The following ATP11B variants were observed in gnomAD, a reference collection of about 807,000 sequenced individuals.
ATP11B encodes the protein phospholipid-transporting ATPase IF.
In ATP11B, 81 loss-of-function variants were observed where a neutral mutation model predicts 157.8. The ratio of observed to expected loss-of-function variants is 0.51; its 90% CI spans 0.43 to 0.62. The LOEUF (loss-of-function observed/expected upper bound fraction) is 0.62, where lower values mean the gene tolerates loss of function less well. Among genes scored for constraint, ATP11B ranks in the 20% least tolerant of loss-of-function variants. ATP11B has a pLI of 0.00. For synonymous variants in ATP11B, 451 were observed against 469.4 expected, an observed-to-expected ratio of 0.96 and a Z score of 0.51; for missense variants, 1,165 against 1,402.2, an observed-to-expected ratio of 0.83 and a Z score of 2.70.
chr3:182,874,077 CCGATGATA>C, intron 19 of ATP11B, 62 bp downstream of exon 19: 1 of 1,450,942 alleles, frequency 6.9e-7, no homozygotes, highest in South Asian at 1.2e-5. Flanking sequence ...TTCCCTGGGC[CCGATGATA>C]TAGCCCACTG....
At position 182,898,668 on chromosome 3, in the gene ATP11B, G is replaced by T; in HGVS notation, c.3214G>T (p.Ala1072Ser). 6.2e-7 allele frequency: 1 copy of T among 1,609,732 alleles called. No individual in the cohort carries two copies. The highest frequency in any genetic ancestry group is 8.5e-7 in the Non-Finnish European group (1 of 1,178,002). ...TATTCAGCTCCTGTCAAGTGGTTCT[G>T]CTTGGTTTGCCATAATCCTCATGGT... ...VFIQLLSSGS[A>S]WFAIILMVVT... Residue 1072 changes from alanine to serine, a missense_variant, in exon 28 of 30, where the codon GCT becomes TCT. This residue lies in a region of ATP11B where 303 missense variants were observed against 296.3 expected (regional missense o/e 1.02). Transcript: ENST00000323116.
chr3:182,885,734 C>T (rs1223255460), intron 22 of ATP11B, among the ~76,000 whole-genome samples: 3 of 151,984 alleles, frequency 2.0e-5, no homozygotes, highest in African/African-American at 2.4e-5. Flanking sequence ...AGGGTTTTTT[C>T]ATTCTGATGT....
intron 29 of ATP11B, chr3:182,916,044 A>G (rs1725120662): frequency 1.0e-5 from 10 of 985,174 alleles, no homozygotes; most frequent in Non-Finnish European, 1.2e-5. Context: ...ATTCTTTTCT[A>G]GGGGATAAAG....
chr3:182,874,089 C>G, intron 19 of ATP11B, 74 bp downstream of exon 19: 1 of 1,287,696 alleles, frequency 7.8e-7, no homozygotes, highest in Middle Eastern at 1.9e-4. Context: ...GATGATATAG[C>G]CCACTGTCAC....
intron 1 of ATP11B, among the ~76,000 whole-genome samples, chr3:182,806,443 T>G (rs1716335502): frequency 6.6e-6 from 1 of 152,214 alleles, no homozygotes; most frequent in African/African-American, 2.4e-5. Context: ...ATATTATTTC[T>G]CAGCCTTTAG....
At chr3:182,917,465 C>T in intron 29 of ATP11B, 1 of 985,346 alleles carries the variant, frequency 1.0e-6, no homozygotes, top group Non-Finnish European at 1.2e-6. Context: ...AGTAGAGGAT[C>T]GTTTGTCCTT....
chr3:182,887,480 TA>T, intron 23 of ATP11B, 105 bp from the exon 24 acceptor site: 1 of 897,244 alleles, frequency 1.1e-6, no homozygotes, highest in Non-Finnish European at 1.6e-6. Context: ...GATTTCAGTA[TA>T]AATTTTTAAA....
chr3:182,878,392 T>G (rs542140907), intron 19 of ATP11B, among the ~76,000 whole-genome samples: 1 of 152,336 alleles, frequency 6.6e-6, no homozygotes, highest in African/African-American at 2.4e-5. Flanking sequence ...TCTTGTGGTG[T>G]ATATAGCACA....
intron 11 of ATP11B, among the ~76,000 whole-genome samples, chr3:182,858,323 A>G (rs1435356794): frequency 6.6e-6 from 1 of 152,204 alleles, no homozygotes; most frequent in Non-Finnish European, 1.5e-5. Context: ...TACAAACTCA[A>G]TTTTCTCTTC....
At chr3:182,905,488 C>T (rs1417890990) in intron 28 of ATP11B, among the ~76,000 whole-genome samples, 1 of 152,110 alleles carries the variant, frequency 6.6e-6, no homozygotes, top group African/African-American at 2.4e-5. Flanking sequence ...AACCCTAAAT[C>T]TTGGTGGCAA....
rs1719096644 is a variant in ATP11B at position 182,842,108 on chromosome 3, G to A, written c.690G>A (p.Met230Ile). 3 of 1,604,208 alleles carry A rather than the reference G, an allele frequency of 1.9e-6. No homozygotes were observed. The African/African-American group carries it at 4.0e-5, about 22-fold the overall frequency. The change falls in exon 8 of 30, where the codon ATG (methionine) becomes ATA (isoleucine). Residue 230 changes from methionine (M) to isoleucine (I), a missense_variant. Physicochemically the swap from Met to Ile is conservative, Grantham distance 10. This residue lies in a region of ATP11B where 737 missense variants were observed against 930.5 expected (regional missense o/e 0.79). Coordinates refer to ENST00000323116, the MANE Select transcript of ATP11B (RefSeq NM_014616.3). ...GACGAATGATCATAACCCAACAAATGGAAGAAATTGTAAGGTAAGAATTAA... is the reference window on the plus strand; with the variant it reads ...GACGAATGATCATAACCCAACAAATAGAAGAAATTGTAAGGTAAGAATTAA... ...FMGRMIITQQ[M>I]EEIVRPLGPE... is the part of the protein sequence containing the mutation.
chr3:182,876,175 C>G (rs1024525926), intron 19 of ATP11B, among the ~76,000 whole-genome samples: 2 of 151,912 alleles, frequency 1.3e-5, no homozygotes, highest in Admixed American at 6.6e-5. Flanking sequence ...CCCAGAAGTT[C>G]AAGGCTACAG....
chr3:182,865,648 C>T lies in ATP11B; in HGVS notation c.1393C>T (p.Leu465Phe), dbSNP rs1290732031. ...ATCCCATCTTAACAACTTATCCCAT[C>T]TTACAACCAGTTCCTCTTTCAGAAC... Reference protein sequence around the residue: ...SLSHLNNLSHLTTSSSFRTSP... With the variant: ...SLSHLNNLSHFTTSSSFRTSP... The change falls in exon 13 of 30, where the codon CTT (leucine) becomes TTT (phenylalanine). Residue 465 changes from leucine to phenylalanine, a missense_variant. Transcript: ENST00000323116. 4.3e-6 allele frequency: 7 copies of T among 1,613,452 alleles called. No homozygotes were observed. In the East Asian group the frequency reaches 8.9e-5, roughly 21 times the overall value.
intron 6 of ATP11B, chr3:182,836,698 G>A (rs1219705155): frequency 2.0e-6 from 1 of 493,860 alleles, no homozygotes; most frequent in East Asian, 3.2e-5. Flanking sequence ...GGTGTTTTTA[G>A]GAAAAATATA....
At chr3:182,902,612 A>C in intron 28 of ATP11B, 2 of 1,179,086 alleles carry the variant, frequency 1.7e-6, no homozygotes, top group Non-Finnish European at 2.2e-6. Context: ...TGCATGCTAA[A>C]GGTCAATTAA....
intron 1 of ATP11B, among the ~76,000 whole-genome samples, chr3:182,813,853 G>A (rs1046341294): frequency 2.4e-4 from 37 of 151,576 alleles, no homozygotes; most frequent in Middle Eastern, 3.2e-3. Flanking sequence ...TCAGCCTCCC[G>A]AGTAGCTGGA....
chr3:182,895,112 C>CAAAAAAAAAAAAAA (rs368282275), intron 25 of ATP11B, among the ~76,000 whole-genome samples: 1 of 68,270 alleles, frequency 1.5e-5, no homozygotes. Context: ...GACCCTGACT[C>CAAAAAAAAAAAAAA]AAAAAAAAAA....
chr3:182,867,176 G>A (rs561063893), intron 14 of ATP11B, among the ~76,000 whole-genome samples, 200 bp from the exon 15 acceptor site: 10 of 149,794 alleles, frequency 6.7e-5, no homozygotes, highest in East Asian at 5.8e-4. Context: ...TGATCAACCC[G>A]CTTTGGCCTC....
chr3:182,887,882 T>C (rs907079663), intron 24 of ATP11B, among the ~76,000 whole-genome samples, 169 bp downstream of exon 24: 5 of 152,218 alleles, frequency 3.3e-5, no homozygotes, highest in Non-Finnish European at 7.3e-5. Context: ...AAAGAGAAAA[T>C]TGGAATAATT....
Sources: allele counts gnomAD v4.1 joint callset (sites outside exome capture counted in the v4.1 genomes callset), GRCh38; gene constraint gnomAD v4.1.1; regional missense constraint gnomAD v4.1.1; transcripts MANE v1.5; gene names NCBI Gene and HGNC (gene_info 2026-07-23, HGNC 2026-07-21).